The following RAB3GAP2 variants were observed in gnomAD, a reference collection of about 807,000 sequenced individuals.
RAB3GAP2 encodes the protein rab3 GTPase-activating protein non-catalytic subunit.
In RAB3GAP2, 87 loss-of-function variants were observed where a neutral mutation model predicts 185.3. The ratio of observed to expected loss-of-function variants is 0.47; its 90% CI spans 0.39 to 0.56. The LOEUF (loss-of-function observed/expected upper bound fraction) is 0.56, where lower values mean the gene tolerates loss of function less well. Among genes scored for constraint, RAB3GAP2 ranks in the 20% least tolerant of loss-of-function variants. The probability of loss-of-function intolerance (pLI) is 0.00; values close to 1 mark genes in which losing one functional copy is unlikely to be tolerated. For missense variants in RAB3GAP2, 1,492 were observed against 1,638.2 expected (o/e 0.91, Z 1.54); for synonymous variants, 554 against 576.1 (o/e 0.96, Z 0.55).
At chr1:220,231,401 C>G (rs142167409) in intron 2 of RAB3GAP2, among the ~76,000 whole-genome samples, 96 of 152,334 alleles carry the variant, frequency 6.3e-4, no homozygotes, top group African/African-American at 2.2e-3. Flanking sequence ...ATAGCAGTCA[C>G]TTGCTATCAC....
intron 17 of RAB3GAP2, among the ~76,000 whole-genome samples, chr1:220,188,098 G>T (rs1469230957): frequency 3.4e-5 from 5 of 148,690 alleles, no homozygotes; most frequent in Non-Finnish European, 5.9e-5. Flanking sequence ...ATTGACTGGT[G>T]TGTGGGAAAA....
At chr1:220,169,524 G>A (rs1658136355) in intron 24 of RAB3GAP2, among the ~76,000 whole-genome samples, 1 of 152,240 alleles carries the variant, frequency 6.6e-6, no homozygotes, top group Non-Finnish European at 1.5e-5. Context: ...CGATATCCAT[G>A]AGTGAGAGAG....
chr1:220,181,236 C>T (rs1019575172), intron 21 of RAB3GAP2, among the ~76,000 whole-genome samples: 4 of 152,174 alleles, frequency 2.6e-5, no homozygotes, highest in African/African-American at 9.7e-5. Flanking sequence ...ATCCTCATGC[C>T]TCAGCCTCTT....
At chr1:220,163,773 A>ATATATG (rs57117891) in intron 27 of RAB3GAP2, among the ~76,000 whole-genome samples, 1 of 145,014 alleles carries the variant, frequency 6.9e-6, no homozygotes, top group African/African-American at 2.5e-5. Flanking sequence ...ATATATATAT[A>ATATATG]GGATGAAGGT....
At chr1:220,221,091 G>A (rs550729303) in intron 2 of RAB3GAP2, among the ~76,000 whole-genome samples, 2 of 152,244 alleles carry the variant, frequency 1.3e-5, no homozygotes, top group East Asian at 3.9e-4. Flanking sequence ...AGACATATTA[G>A]TGCATCTGAG....
chr1:220,209,912 T>A (rs1175685670), intron 7 of RAB3GAP2, among the ~76,000 whole-genome samples: 1 of 152,228 alleles, frequency 6.6e-6, no homozygotes, highest in African/African-American at 2.4e-5. Context: ...ATTTTCTCAG[T>A]TGAAATCTTC....
intron 2 of RAB3GAP2, among the ~76,000 whole-genome samples, chr1:220,223,081 C>T (rs1287036598): frequency 9.2e-5 from 14 of 152,162 alleles, no homozygotes; most frequent in Non-Finnish European, 1.8e-4. Flanking sequence ...CTCGCTCTGA[C>T]GCCCAGGCTG....
Position 220,212,921 on chromosome 1 carries a change from C to G in RAB3GAP2, c.352G>C (p.Val118Leu). 6 of 1,613,614 alleles carry G rather than the reference C, an allele frequency of 3.7e-6. No individual in the cohort carries two copies. The highest frequency in any genetic ancestry group is 2.2e-5 in the South Asian group (2 of 91,050). ...ACATTTAAGGAACCACTCCAGCCAA[C>G]AGCAAATTGCATTTCTTCCTTTCCT... ...DKGKEEMQFA[V>L]GWSGSLNVEE... The change falls in exon 4 of 35, where the codon GTT becomes CTT. Residue 118 changes from valine to leucine, a missense_variant. Transcript: ENST00000358951.
intron 14 of RAB3GAP2, among the ~76,000 whole-genome samples, chr1:220,190,831 C>T (rs1351597824): frequency 6.6e-6 from 1 of 151,948 alleles, no homozygotes; most frequent in Non-Finnish European, 1.5e-5. Flanking sequence ...AAGTAAGGGA[C>T]AAACATTAGC....
At chr1:220,183,042 T>G in intron 19 of RAB3GAP2, 111 bp from the exon 20 acceptor site, 1 of 788,684 alleles carries the variant, frequency 1.3e-6, no homozygotes, top group East Asian at 2.7e-5. Context: ...ATATAATACC[T>G]ATCATGTATT....
chr1:220,189,647 TAAG>T, intron 17 of RAB3GAP2, 53 bp downstream of exon 17: 2 of 1,460,288 alleles, frequency 1.4e-6, no homozygotes, highest in Non-Finnish European at 1.8e-6. Flanking sequence ...AAGATTTTCT[TAAG>T]AAGGATGTAT....
intron 1 of RAB3GAP2, chr1:220,268,013 G>A (rs1443096786): frequency 1.9e-6 from 1 of 520,952 alleles, no homozygotes; most frequent in Non-Finnish European, 3.4e-6. Flanking sequence ...ACAAGTAATT[G>A]AGGTGTTTTA....
chr1:220,186,377 G>C (rs1375403705), intron 17 of RAB3GAP2, among the ~76,000 whole-genome samples: 2 of 152,180 alleles, frequency 1.3e-5, no homozygotes, highest in Non-Finnish European at 2.9e-5. Context: ...AGATTAAATA[G>C]TTCAAAAAGT....
Position 220,210,947 on chromosome 1 carries a change from A to C in RAB3GAP2, c.434+8T>G. 6.2e-7 allele frequency: 1 copy of C among 1,614,038 alleles called. No individual in the cohort carries two copies. The highest frequency in any genetic ancestry group is 8.5e-7 in the Non-Finnish European group (1 of 1,179,946). On this transcript the variant is annotated splice_region_variant and intron_variant, in intron 5 of 34. Coordinates refer to ENST00000358951, the MANE Select transcript of RAB3GAP2 (RefSeq NM_012414.4). The stretch of plus-strand genomic sequence containing the variant: ...CAAAGAAAACAGATGACTCTTATTT[A>C]TCCTTACCTCTTTTGGCTTGCTAGT...
At chr1:220,211,468 C>T in intron 4 of RAB3GAP2, 1 of 434,766 alleles carries the variant, frequency 2.3e-6, no homozygotes, top group Admixed American at 2.7e-5. Context: ...TGTATTTCTG[C>T]AGGGTACATT....
rs1306087193 is a variant in RAB3GAP2 at position 220,185,684 on chromosome 1, T to A, written c.1837A>T (p.Thr613Ser). Reference protein sequence around the residue: ...RLPFSCLRNITQTLMDTLKSQ... With the variant: ...RLPFSCLRNISQTLMDTLKSQ... ...TTTAAAGTGTCCATTAAAGTCTGAG[T>A]GATGTTTCTAAGGCAAGAAAATGGT... The change falls in exon 18 of 35, where the codon ACT (threonine) becomes TCT (serine). Residue 613 changes from threonine to serine, a missense_variant. This residue lies in a region of RAB3GAP2 where 681 missense variants were observed against 689.1 expected (regional missense o/e 0.99). Coordinates refer to ENST00000358951, the MANE Select transcript of RAB3GAP2 (RefSeq NM_012414.4). 6.2e-7 allele frequency: 1 copy of A among 1,612,338 alleles called. No individual in the cohort carries two copies. The highest frequency in any genetic ancestry group is 1.3e-5 in the African/African-American group (1 of 74,860).
intron 21 of RAB3GAP2, among the ~76,000 whole-genome samples, chr1:220,176,736 C>A (rs1434513226): frequency 6.6e-6 from 1 of 152,182 alleles, no homozygotes; most frequent in African/African-American, 2.4e-5. Flanking sequence ...GCTCACCAAC[C>A]TCTATCTCAC....
At position 220,150,863 on chromosome 1, in the gene RAB3GAP2, C is replaced by T; in HGVS notation, c.*388G>A. 4.1e-6 allele frequency: 1 copy of T among 242,154 alleles called. No homozygotes were observed. 15.0% of individuals were successfully genotyped at this position (242,154 alleles called of 1,614,324 possible). ...CTATACGCTACTGATGGGGACTGTA[C>T]ATGAACACATTTAAATTGAATTACA... On this transcript the variant is annotated 3_prime_UTR_variant, in exon 35 of 35. Coordinates refer to ENST00000358951, the MANE Select transcript of RAB3GAP2 (RefSeq NM_012414.4).
chr1:220,162,057 A>C (rs1657972043), intron 28 of RAB3GAP2, 141 bp downstream of exon 28: 2 of 686,706 alleles, frequency 2.9e-6, no homozygotes, highest in South Asian at 3.5e-5. Flanking sequence ...AGTACTGGGC[A>C]TTACATTTAA....
Sources: allele counts gnomAD v4.1 joint callset (sites outside exome capture counted in the v4.1 genomes callset), GRCh38; gene constraint gnomAD v4.1.1; regional missense constraint gnomAD v4.1.1; transcripts MANE v1.5; gene names NCBI Gene and HGNC (gene_info 2026-07-23, HGNC 2026-07-21).